Variants in GCH1 observed in about 807,000 individuals in gnomAD.
GCH1 encodes GTP cyclohydrolase 1.
A neutral mutation model predicts 25.9 loss-of-function variants in GCH1; 5 were observed. The observed-to-expected ratio is 0.19, with a 90% CI of 0.10 to 0.41. The LOEUF is 0.41. Among genes scored for constraint, GCH1 ranks in the 10% least tolerant of loss-of-function variants. The pLI is 1.00. For synonymous variants in GCH1, 159 were observed against 129.6 expected (o/e 1.23, Z -1.54); for missense variants, 261 against 336.5 (o/e 0.78, Z 1.75).
At chr14:54,894,678 C>G (rs1235793609) in intron 1 of GCH1, among the ~76,000 whole-genome samples, 1 of 152,138 alleles carries the variant, frequency 6.6e-6, no homozygotes, top group Non-Finnish European at 1.5e-5. Context: ...CTCCCCCTTT[C>G]TCAGTAACTT....
intron 1 of GCH1, among the ~76,000 whole-genome samples, chr14:54,873,572 G>A (rs1648092806): frequency 6.6e-6 from 1 of 152,088 alleles, no homozygotes; most frequent in Admixed American, 6.6e-5. Flanking sequence ...TTTTTGAAAA[G>A]ATCAATAAAA....
At chr14:54,848,240 G>A (rs1415735064) in intron 3 of GCH1, among the ~76,000 whole-genome samples, 3 of 151,134 alleles carry the variant, frequency 2.0e-5, no homozygotes, top group East Asian at 1.9e-4. Flanking sequence ...GGGTTCAAGC[G>A]ATTCTCCTGC....
chr14:54,855,588 C>T (rs930604649), intron 3 of GCH1, among the ~76,000 whole-genome samples: 3 of 149,214 alleles, frequency 2.0e-5, no homozygotes, highest in Non-Finnish European at 4.4e-5. Flanking sequence ...CCAAGGCAGG[C>T]TGATCACTTG....
At chr14:54,868,408 T>G (rs2140079084) in intron 1 of GCH1, among the ~76,000 whole-genome samples, 1 of 151,964 alleles carries the variant, frequency 6.6e-6, no homozygotes, top group East Asian at 1.9e-4. Flanking sequence ...CAGGGCAAGA[T>G]CCTGTCTCTA....
intron 1 of GCH1, 83 bp downstream of exon 1, chr14:54,902,238 G>A: frequency 6.8e-7 from 1 of 1,468,892 alleles, no homozygotes; most frequent in Non-Finnish European, 9.3e-7. Context: ...GGCAACTCCG[G>A]AAACTTCCTG....
At chr14:54,856,412 A>T (rs2039812368) in intron 3 of GCH1, among the ~76,000 whole-genome samples, 1 of 151,692 alleles carries the variant, frequency 6.6e-6, no homozygotes, top group South Asian at 2.1e-4. Context: ...AGATACTACA[A>T]CTCTAAATTC....
At chr14:54,865,535 C>A in intron 1 of GCH1, 99 bp from the exon 2 acceptor site, 1 of 705,748 alleles carries the variant, frequency 1.4e-6, no homozygotes, top group Non-Finnish European at 2.6e-6. Flanking sequence ...GAACGTTAAT[C>A]CTCCCTAAAA....
At chr14:54,875,798 T>C (rs1292222661) in intron 1 of GCH1, among the ~76,000 whole-genome samples, 1 of 152,176 alleles carries the variant, frequency 6.6e-6, no homozygotes, top group East Asian at 1.9e-4. Flanking sequence ...CACAATGAGA[T>C]ACCATCTTAC....
intron 1 of GCH1, among the ~76,000 whole-genome samples, chr14:54,877,479 C>A (rs1451296500): frequency 6.6e-6 from 1 of 152,050 alleles, no homozygotes; most frequent in Non-Finnish European, 1.5e-5. Flanking sequence ...GACAGGCCCA[C>A]AATACAAGCC....
intron 2 of GCH1, among the ~76,000 whole-genome samples, chr14:54,864,968 A>G (rs1388555796): frequency 2.1e-4 from 32 of 152,174 alleles, no homozygotes; most frequent in Non-Finnish European, 1.5e-5. Flanking sequence ...AAGTTAAAAT[A>G]AAGGGCATCT....
At position 54,842,697 on chromosome 14, in the gene GCH1, C is replaced by G. The variant is rs1316618106; in HGVS notation, c.*1320G>C. The G allele has an allele frequency of 3.6e-6, 1 of 274,500 alleles. No individual in the cohort carries two copies. The highest frequency in any genetic ancestry group is 5.2e-5 in the Admixed American group (1 of 19,316). The allele number at this position is 274,500 out of a possible 1,614,324, so 17.0% of individuals were successfully genotyped here. On this transcript the variant is annotated 3_prime_UTR_variant, in exon 6 of 6. Coordinates refer to ENST00000491895, the MANE Select transcript of GCH1 (RefSeq NM_000161.3). ...GGTAATGGGATGAATTTGAAGAGCA[C>G]TATGTCAACCAAATACTAAACTTCA...
intron 1 of GCH1, among the ~76,000 whole-genome samples, chr14:54,886,914 C>G (rs550193176): frequency 6.6e-6 from 1 of 152,162 alleles, no homozygotes; most frequent in African/African-American, 2.4e-5. Flanking sequence ...CAAAAGACAG[C>G]AAATCTGATT....
At chr14:54,866,340 C>T (rs1042263307) in intron 1 of GCH1, among the ~76,000 whole-genome samples, 1 of 151,818 alleles carries the variant, frequency 6.6e-6, no homozygotes, top group Non-Finnish European at 1.5e-5. Flanking sequence ...TAGGCAGGTA[C>T]CCAAACAACA....
Position 54,874,965 on chromosome 14 carries a change from A to G in GCH1, c.344-9529T>C, listed in dbSNP as rs527263528. Among the ~76,000 whole-genome samples the G allele has an allele frequency of 1.6e-3, 251 of 152,320 alleles. 2 individuals are homozygous for G. Among genetic ancestry groups the G allele is most frequent in the African/African-American group, 5.8e-3 (242 of 41,568 alleles). ...AATGACTTTCTTCACAGAATTGGAA[A>G]AAACTGCTTTAAAGTTCATATGGAA... On this transcript the variant is annotated intron_variant, in intron 1 of 5. Coordinates refer to ENST00000491895, the MANE Select transcript of GCH1 (RefSeq NM_000161.3).
chr14:54,883,978 A>G (rs8004018), intron 1 of GCH1, among the ~76,000 whole-genome samples: 31,623 of 152,168 alleles, frequency 0.21, 4,500 homozygotes, highest in East Asian at 0.42. Flanking sequence ...CTCACATCAG[A>G]AAGTTGTACC....
At chr14:54,896,023 C>G (rs2140118684) in intron 1 of GCH1, among the ~76,000 whole-genome samples, 1 of 152,236 alleles carries the variant, frequency 6.6e-6, no homozygotes, top group Non-Finnish European at 1.5e-5. Flanking sequence ...CCCAGAATGC[C>G]AGGAATTTGG....
intron 1 of GCH1, among the ~76,000 whole-genome samples, chr14:54,876,239 T>C (rs1334852426): frequency 6.6e-6 from 1 of 151,998 alleles, no homozygotes; most frequent in African/African-American, 2.4e-5. Context: ...CAGCAAACTA[T>C]TGCAAGGACA....
In GCH1 at chr14:54,880,797, TATATATATACTCC is replaced by T. The variant is rs1208745449; in HGVS notation, c.344-15374_344-15362del. Among the ~76,000 whole-genome samples, 48 of 73,830 alleles carry T rather than the reference TATATATATACTCC, an allele frequency of 6.5e-4. 5 individuals are homozygous for T. The highest frequency in any genetic ancestry group is 2.8e-3 in the African/African-American group (37 of 13,202). 48.4% of individuals were successfully genotyped at this position (73,830 alleles called of 152,430 possible). ...TCCATATATATATATACTCCATATA[TATATATATACTCC>T]ATATATATATATATATACTCCATAT... On this transcript the variant is annotated intron_variant, in intron 1 of 5. Coordinates refer to ENST00000491895, the MANE Select transcript of GCH1 (RefSeq NM_000161.3).
At chr14:54,891,381 C>T (rs1030431066) in intron 1 of GCH1, among the ~76,000 whole-genome samples, 3 of 149,466 alleles carry the variant, frequency 2.0e-5, no homozygotes, top group Non-Finnish European at 3.0e-5. Flanking sequence ...GCTGGGATTA[C>T]AGGCATGAGC....
Sources: gnomAD v4.1 joint callset for allele counts (sites outside exome capture counted in the v4.1 genomes callset) on GRCh38, gnomAD v4.1.1 for gene constraint, MANE v1.5 for transcripts, NCBI Gene and HGNC (gene_info 2026-07-23, HGNC 2026-07-21) for gene names.